Variants in GSG1L observed in about 807,000 individuals in gnomAD.
The protein encoded by GSG1L is germ cell-specific gene 1-like protein.
Under a neutral mutation model 42.1 loss-of-function variants are expected in GSG1L, and 24 were observed. That is an observed-to-expected ratio of 0.57 (90% confidence interval 0.41 to 0.80). The LOEUF (loss-of-function observed/expected upper bound fraction) is 0.80, where lower values mean the gene tolerates loss of function less well. Among genes scored for constraint, GSG1L ranks in the 30% least tolerant of loss-of-function variants. The probability of loss-of-function intolerance (pLI) is 0.00; values close to 1 mark genes in which losing one functional copy is unlikely to be tolerated. For missense variants in GSG1L, 445 were observed against 472.2 expected, an observed-to-expected ratio of 0.94 and a Z score of 0.53; for synonymous variants, 215 against 203.5, an observed-to-expected ratio of 1.06 and a Z score of -0.48.
intron 1 of GSG1L, among the ~76,000 whole-genome samples, chr16:27,975,462 C>T (rs184075307): frequency 2.8e-4 from 43 of 152,292 alleles, no homozygotes; most frequent in African/African-American, 1.0e-3. Flanking sequence ...AGTGAGACCA[C>T]CATCACGCTC....
intron 3 of GSG1L, among the ~76,000 whole-genome samples, chr16:27,847,274 G>A (rs537397559): frequency 3.9e-5 from 6 of 152,260 alleles, no homozygotes; most frequent in East Asian, 3.9e-4. Context: ...ATTCCCAACC[G>A]GTGTGGTCAG....
chr16:27,988,912 C>A (rs1314378026), intron 1 of GSG1L, among the ~76,000 whole-genome samples: 1 of 151,552 alleles, frequency 6.6e-6, no homozygotes, highest in African/African-American at 2.4e-5. Flanking sequence ...AGTTAGCCAG[C>A]CATGGTGGTG....
At chr16:27,896,458 C>T (rs142055682) in intron 2 of GSG1L, among the ~76,000 whole-genome samples, 4 of 152,266 alleles carry the variant, frequency 2.6e-5, no homozygotes, top group Admixed American at 1.3e-4. Flanking sequence ...TGCACATGGG[C>T]CTTAATACCT....
chr16:27,869,390 C>G (rs138004923), intron 3 of GSG1L, among the ~76,000 whole-genome samples: 24 of 151,614 alleles, frequency 1.6e-4, no homozygotes, highest in Non-Finnish European at 3.1e-4. Flanking sequence ...GCTGTTTGCT[C>G]CCTGTGTCTC....
At chr16:27,797,581 G>C (rs1437587580) in intron 6 of GSG1L, among the ~76,000 whole-genome samples, 1 of 150,644 alleles carries the variant, frequency 6.6e-6, no homozygotes, top group Non-Finnish European at 1.5e-5. Context: ...CCAGCACTTT[G>C]GGAGGCCGAG....
chr16:28,042,748 C>T (rs368136916), intron 1 of GSG1L, among the ~76,000 whole-genome samples: 6 of 152,264 alleles, frequency 3.9e-5, no homozygotes, highest in South Asian at 4.1e-4. Context: ...GTCCTTGAGA[C>T]GTGCTTGTTA....
chr16:27,865,606 T>C (rs758923705), intron 3 of GSG1L, among the ~76,000 whole-genome samples: 1 of 141,628 alleles, frequency 7.1e-6, no homozygotes, highest in African/African-American at 2.6e-5. Flanking sequence ...CACACATATA[T>C]ATACACACAC....
At chr16:27,977,019 C>T (rs899867452) in intron 1 of GSG1L, among the ~76,000 whole-genome samples, 8 of 152,196 alleles carry the variant, frequency 5.3e-5, no homozygotes, top group Non-Finnish European at 7.3e-5. Context: ...ACCCCAGGCT[C>T]GAGTTTGTCA....
intron 3 of GSG1L, among the ~76,000 whole-genome samples, chr16:27,867,805 A>C (rs1327518519): frequency 6.6e-6 from 1 of 151,820 alleles, no homozygotes; most frequent in Non-Finnish European, 1.5e-5. Context: ...ACGCCCCCTG[A>C]GGCCACGCCC....
chr16:28,056,318 G>T (rs1044923055), intron 1 of GSG1L, among the ~76,000 whole-genome samples: 3 of 152,102 alleles, frequency 2.0e-5, no homozygotes, highest in Non-Finnish European at 2.9e-5. Context: ...CATGTCTTTT[G>T]TAGGGACATG....
At chr16:27,918,485 C>T (rs201505749) in intron 2 of GSG1L, among the ~76,000 whole-genome samples, 1 of 152,020 alleles carries the variant, frequency 6.6e-6, no homozygotes, top group East Asian at 1.9e-4. Flanking sequence ...TGGCAAAACC[C>T]TGTCTATACT....
chr16:27,823,152 G>A (rs898734394), intron 5 of GSG1L, among the ~76,000 whole-genome samples: 1 of 152,120 alleles, frequency 6.6e-6, no homozygotes, highest in Admixed American at 6.5e-5. Context: ...CCTCCCCTTG[G>A]GAGGCCCGAT....
intron 1 of GSG1L, among the ~76,000 whole-genome samples, chr16:28,022,991 T>C (rs2085861237): frequency 6.6e-6 from 1 of 152,088 alleles, no homozygotes; most frequent in South Asian, 2.1e-4. Context: ...AATTTTTTTG[T>C]TTGTTTTTTA....
intron 6 of GSG1L, among the ~76,000 whole-genome samples, chr16:27,796,495 A>T (rs1222560470): frequency 6.6e-6 from 1 of 152,226 alleles, no homozygotes; most frequent in African/African-American, 2.4e-5. Flanking sequence ...TCACAGGAGG[A>T]CAAAGGCCAG....
At chr16:28,036,413 T>C (rs776967163) in intron 1 of GSG1L, among the ~76,000 whole-genome samples, 1 of 152,180 alleles carries the variant, frequency 6.6e-6, no homozygotes, top group Non-Finnish European at 1.5e-5. Context: ...AAGTTAATGA[T>C]GCCTTCAACC....
chr16:27,947,426 A>AAGAAAGAAAG (rs1555510013), intron 2 of GSG1L, among the ~76,000 whole-genome samples: 5 of 140,612 alleles, frequency 3.6e-5, no homozygotes, highest in African/African-American at 1.3e-4. Context: ...GAAAGAAAGA[A>AAGAAAGAAAG]AGAGAAGGAA....
chr16:27,946,416 G>C (rs2084860401), intron 2 of GSG1L, among the ~76,000 whole-genome samples: 1 of 151,358 alleles, frequency 6.6e-6, no homozygotes, highest in Non-Finnish European at 1.5e-5. Flanking sequence ...GTGGTGGCGG[G>C]CACCTGTAAT....
chr16:28,037,498 T>G (rs1475762207), intron 1 of GSG1L, among the ~76,000 whole-genome samples: 2 of 152,140 alleles, frequency 1.3e-5, no homozygotes. Flanking sequence ...CACAAATGCT[T>G]CAGGTGGTCC....
chr16:28,025,707 A>G (rs2085893718), intron 1 of GSG1L, among the ~76,000 whole-genome samples: 1 of 152,224 alleles, frequency 6.6e-6, no homozygotes, highest in Non-Finnish European at 1.5e-5. Context: ...GGACCCTGTG[A>G]AAGAGCGGGG....
Sources: allele counts gnomAD v4.1 joint callset (sites outside exome capture counted in the v4.1 genomes callset), GRCh38; gene constraint gnomAD v4.1.1; transcripts MANE v1.5; gene names NCBI Gene and HGNC (gene_info 2026-07-23, HGNC 2026-07-21).